Variants in TNKS observed in about 807,000 individuals in gnomAD.
TNKS encodes the protein tankyrase, also known as poly [ADP-ribose] polymerase tankyrase-1.
In TNKS, 72 loss-of-function variants were observed where a neutral mutation model predicts 135.8. The ratio of observed to expected loss-of-function variants is 0.53; its 90% CI spans 0.44 to 0.64. The LOEUF (loss-of-function observed/expected upper bound fraction) is 0.64. Ranked by LOEUF, TNKS falls within the 30% of genes least tolerant of loss-of-function variation. The pLI, the probability that TNKS is intolerant of heterozygous loss-of-function variation, is 0.00. For synonymous variants in TNKS, 849 were observed against 649.3 expected (o/e 1.31, Z -4.68); for missense variants, 1,769 against 1,674.0 (o/e 1.06, Z -0.99).
chr8:9,584,873 A>G (rs75648297), intron 2 of TNKS, among the ~76,000 whole-genome samples: 14 of 152,306 alleles, frequency 9.2e-5, no homozygotes, highest in Non-Finnish European at 1.8e-4. Context: ...ACAGCAAATC[A>G]TTCTAAAGAT....
At chr8:9,704,525 T>G in intron 5 of TNKS, 138 bp from the exon 6 acceptor site, 1 of 648,008 alleles carries the variant, frequency 1.5e-6, no homozygotes, top group South Asian at 1.9e-5. Context: ...TCTCCTTAAG[T>G]TATGAAATGT....
intron 20 of TNKS, among the ~76,000 whole-genome samples, chr8:9,760,968 A>T (rs1445938005): frequency 6.6e-6 from 1 of 152,242 alleles, no homozygotes; most frequent in Non-Finnish European, 1.5e-5. Context: ...ATCTAACCAA[A>T]TACTTGAGAT....
At chr8:9,772,764 G>A (rs1483464551) in intron 26 of TNKS, among the ~76,000 whole-genome samples, 1 of 150,380 alleles carries the variant, frequency 6.6e-6, no homozygotes, top group Non-Finnish European at 1.5e-5. Flanking sequence ...CCATGATGAT[G>A]TATATAACTT....
Position 9,710,237 on chromosome 8 carries a change from A to C in TNKS, c.1749+17A>C. ...GGCGCCAAGGTGAGGCACACACCTG[A>C]GCAGAGTGCCAGACTCAGCACTGAG... On this transcript the variant is annotated intron_variant, in intron 11 of 26. Transcript: ENST00000310430. 1 of 1,612,712 alleles carries C rather than the reference A, an allele frequency of 6.2e-7. No individual in the cohort carries two copies. The highest frequency in any genetic ancestry group is 1.3e-5 in the African/African-American group (1 of 75,044).
chr8:9,733,598 T>C (rs1186130127), intron 15 of TNKS, among the ~76,000 whole-genome samples, 154 bp downstream of exon 15: 12 of 152,250 alleles, frequency 7.9e-5, no homozygotes, highest in Admixed American at 7.9e-4. Context: ...TTATGTGATA[T>C]GACACATAGC....
Position 9,619,996 on chromosome 8 carries a change from T to G in TNKS, c.994+4319T>G, listed in dbSNP as rs148672323. The stretch of plus-strand genomic sequence containing the variant: ...GACGGAGTCTCACTCTGTCGCCAGG[T>G]TGGAGTGCAGTGGCGCTATCTTGGC... On this transcript the variant is annotated intron_variant, in intron 3 of 26. Transcript: ENST00000310430. Among the ~76,000 whole-genome samples the G allele has an allele frequency of 8.6e-3, 1,297 of 151,644 alleles. 17 individuals are homozygous for G. Among genetic ancestry groups the G allele is most frequent in the African/African-American group, 0.03 (1,228 of 41,324 alleles).
At chr8:9,658,423 C>G (rs965016555) in intron 3 of TNKS, 5 of 1,237,214 alleles carry the variant, frequency 4.0e-6, no homozygotes, top group Non-Finnish European at 5.4e-6. Flanking sequence ...TCCCGGCGGT[C>G]GGGCGGCGGC....
chr8:9,751,798 T>G lies in TNKS; in HGVS notation c.3022T>G (p.Ser1008Ala), dbSNP rs1435248995. ...PLAELAVGGA[S>A]NAGDGAAGTE... is the part of the protein sequence containing the mutation. ...AGCAGAGTTGGCCGTAGGAGGAGCC[T>G]CCAATGCAGGGGATGGCGCCGCGGG... is the stretch of plus-strand genomic sequence containing the variant. Residue 1008 changes from serine (S) to alanine (A), a missense_variant, in exon 19 of 27, where the codon TCC becomes GCC. Transcript: ENST00000310430. The G allele has an allele frequency of 6.2e-7, 1 of 1,614,002 alleles. No individual in the cohort carries two copies. Among genetic ancestry groups the G allele is most frequent in the Admixed American group, 1.7e-5 (1 of 59,986 alleles).
intron 3 of TNKS, among the ~76,000 whole-genome samples, chr8:9,623,177 A>ATCT (rs1799928922): frequency 6.6e-6 from 1 of 152,200 alleles, no homozygotes; most frequent in African/African-American, 2.4e-5. Flanking sequence ...ATCATAAACG[A>ATCT]TCTTCTTCAG....
intron 3 of TNKS, among the ~76,000 whole-genome samples, chr8:9,651,411 A>G (rs888318904): frequency 6.6e-6 from 1 of 152,192 alleles, no homozygotes; most frequent in African/African-American, 2.4e-5. Context: ...ACCACCAGAA[A>G]CATATCTGTG....
chr8:9,702,704 T>A (rs1014012199), intron 5 of TNKS, among the ~76,000 whole-genome samples: 7 of 152,074 alleles, frequency 4.6e-5, no homozygotes, highest in African/African-American at 1.7e-4. Context: ...AAATTTTAGT[T>A]GCCTATTTTT....
intron 5 of TNKS, among the ~76,000 whole-genome samples, chr8:9,696,229 A>G (rs956663635): frequency 2.0e-5 from 3 of 152,186 alleles, no homozygotes; most frequent in African/African-American, 7.2e-5. Context: ...GGAGTACTCC[A>G]ATGTCAAGAG....
chr8:9,731,543 G>C (rs1805442558), intron 14 of TNKS, among the ~76,000 whole-genome samples: 1 of 150,722 alleles, frequency 6.6e-6, no homozygotes, highest in African/African-American at 2.4e-5. Context: ...CCTGCTCAGA[G>C]ATACAGCATT....
intron 3 of TNKS, among the ~76,000 whole-genome samples, chr8:9,647,470 T>C (rs763455580): frequency 6.6e-6 from 1 of 152,120 alleles, no homozygotes; most frequent in Non-Finnish European, 1.5e-5. Context: ...TGAGCAAAAA[T>C]ACGGAAAAGT....
chr8:9,591,812 C>T (rs906408514), intron 2 of TNKS, among the ~76,000 whole-genome samples: 5 of 152,004 alleles, frequency 3.3e-5, no homozygotes, highest in African/African-American at 9.7e-5. Context: ...GTTTCATCAG[C>T]GTTGGAATAA....
intron 17 of TNKS, among the ~76,000 whole-genome samples, chr8:9,742,384 A>C (rs1418018710): frequency 6.7e-6 from 1 of 149,650 alleles, no homozygotes; most frequent in Non-Finnish European, 1.5e-5. Context: ...TAACATGGGC[A>C]ACCCACTTCC....
intron 5 of TNKS, among the ~76,000 whole-genome samples, chr8:9,702,579 A>G (rs2128806538): frequency 6.6e-6 from 1 of 152,382 alleles, no homozygotes; most frequent in South Asian, 2.1e-4. Flanking sequence ...GTATTCTTCT[A>G]AAATGAGAGT....
At chr8:9,595,762 A>C (rs1454699302) in intron 2 of TNKS, among the ~76,000 whole-genome samples, 2 of 152,152 alleles carry the variant, frequency 1.3e-5, no homozygotes, top group Non-Finnish European at 2.9e-5. Flanking sequence ...CTGTCTGTCT[A>C]ATAAAAGCAT....
At chr8:9,762,394 A>AT (rs575921386) in intron 21 of TNKS, among the ~76,000 whole-genome samples, 2 of 152,336 alleles carry the variant, frequency 1.3e-5, no homozygotes, top group South Asian at 4.1e-4. Context: ...AACAAAGATA[A>AT]TGTGTTTTAA....
Sources: allele counts gnomAD v4.1 joint callset (sites outside exome capture counted in the v4.1 genomes callset), GRCh38; gene constraint gnomAD v4.1.1; transcripts MANE v1.5; gene names NCBI Gene and HGNC (gene_info 2026-07-23, HGNC 2026-07-21).